The following BAIAP2 variants were observed in gnomAD, a reference collection of about 807,000 sequenced individuals.
The protein encoded by BAIAP2 is BAR/IMD domain-containing adapter protein 2.
BAIAP2 carries 18 observed loss-of-function variants against 63.0 expected under a neutral mutation model. The ratio of observed to expected loss-of-function variants is 0.29; its 90% confidence interval spans 0.20 to 0.42. The LOEUF (loss-of-function observed/expected upper bound fraction) is 0.42. Ranked by LOEUF, BAIAP2 falls within the 10% of genes least tolerant of loss-of-function variation. The probability of loss-of-function intolerance (pLI) is 1.00; values close to 1 mark genes in which losing one functional copy is unlikely to be tolerated. For synonymous variants in BAIAP2, 386 were observed against 307.6 expected (o/e 1.25, Z -2.67); for missense variants, 610 against 734.3 (o/e 0.83, Z 1.96).
rs548077995 is a variant in BAIAP2, at chr17:81,110,187, A to C, written c.1535+1678A>C. The C allele has an allele frequency of 2.0e-5, 20 of 985,630 alleles. No homozygotes were observed. In the South Asian group the frequency reaches 8.0e-4, roughly 39 times the overall value. 61.1% of individuals were successfully genotyped at this position (985,630 alleles called of 1,614,324 possible). A position where few individuals can be genotyped will look rare whatever the true frequency, so the allele number is the denominator to read the frequency against. ...ATGTGGTTTAGTAAAAGCCTCCCAC[A>C]CACCTCCCCGTGGCCTGGGACGTGG... is the stretch of plus-strand genomic sequence containing the variant. On this transcript the variant is annotated intron_variant, in intron 13 of 13. Coordinates refer to ENST00000428708, the MANE Select transcript of BAIAP2 (RefSeq NM_001144888.2).
intron 13 of BAIAP2, among the ~76,000 whole-genome samples, chr17:81,111,608 G>A (rs1002182724): frequency 3.9e-5 from 6 of 152,244 alleles, no homozygotes; most frequent in East Asian, 1.9e-4. Flanking sequence ...CGCTCACTCC[G>A]GGGACCACAG....
chr17:81,072,698 G>A (rs546842850), intron 3 of BAIAP2, among the ~76,000 whole-genome samples: 21 of 152,276 alleles, frequency 1.4e-4, no homozygotes, highest in African/African-American at 2.6e-4. Context: ...GAGCACAGGC[G>A]GGCGGACGCT....
At chr17:81,038,948 C>T (rs1028620721) in intron 1 of BAIAP2, among the ~76,000 whole-genome samples, 4 of 152,206 alleles carry the variant, frequency 2.6e-5, no homozygotes, top group Non-Finnish European at 5.9e-5. Context: ...AATCACAGTG[C>T]TGGACCCAGC....
rs995453360 is a variant in BAIAP2, at chr17:81,106,938, C to T, written c.1500+31C>T. 8 of 1,476,976 alleles carry T rather than the reference C, an allele frequency of 5.4e-6. No individual in the cohort carries two copies. The Admixed American group carries it at 7.4e-5, about 14-fold the overall frequency. The allele number at this position is 1,476,976 out of a possible 1,614,324, so 91.5% of individuals were successfully genotyped here. A position where few individuals can be genotyped will look rare whatever the true frequency, so the allele number is the denominator to read the frequency against. ...TGGGCGGGGCCGGGGCTGGGAGGGG[C>T]CCGCAGGTGGAACAGTGGGCTCAGC... On this transcript the variant is annotated intron_variant, in intron 12 of 13. Coordinates refer to ENST00000428708, the MANE Select transcript of BAIAP2 (RefSeq NM_001144888.2).
intron 3 of BAIAP2, among the ~76,000 whole-genome samples, chr17:81,075,756 C>A (rs1416013621): frequency 2.6e-5 from 4 of 152,180 alleles, no homozygotes; most frequent in Non-Finnish European, 5.9e-5. Context: ...ACTATGGCAG[C>A]CTTTGGTGGG....
intron 3 of BAIAP2, among the ~76,000 whole-genome samples, chr17:81,060,796 G>A (rs532680559): frequency 6.6e-6 from 1 of 152,230 alleles, no homozygotes; most frequent in Admixed American, 6.5e-5. Flanking sequence ...TGTCTAAGAG[G>A]GCAGGTTTAT....
At chr17:81,113,284 T>C (rs938440082) in intron 13 of BAIAP2, among the ~76,000 whole-genome samples, 19 of 152,274 alleles carry the variant, frequency 1.2e-4, no homozygotes, top group Non-Finnish European at 2.4e-4. Context: ...GGAGAGGTGC[T>C]GGTGGTGTCA....
chr17:81,098,472 C>T (rs1459261441), intron 6 of BAIAP2, among the ~76,000 whole-genome samples: 1 of 152,052 alleles, frequency 6.6e-6, no homozygotes, highest in Admixed American at 6.6e-5. Context: ...CAGTTGACCA[C>T]GGTAACCATC....
intron 1 of BAIAP2, among the ~76,000 whole-genome samples, chr17:81,037,573 C>T (rs1284676777): frequency 6.6e-6 from 1 of 152,246 alleles, no homozygotes; most frequent in African/African-American, 2.4e-5. Flanking sequence ...CCGGTGTGCA[C>T]TCCTGGGCCG....
chr17:81,110,878 A>G (rs920779210), intron 13 of BAIAP2: 3 of 1,613,252 alleles, frequency 1.9e-6, no homozygotes, highest in Admixed American at 1.7e-5. Context: ...CTCAGACCCC[A>G]TGCTGCCTCC....
intron 3 of BAIAP2, among the ~76,000 whole-genome samples, chr17:81,082,086 C>T (rs1254756048): frequency 6.6e-6 from 1 of 152,060 alleles, no homozygotes; most frequent in Non-Finnish European, 1.5e-5. Context: ...CAGCGTGGTC[C>T]TGGAGACTGA....
rs6565533 is a variant in BAIAP2 at position 81,067,760 on chromosome 17, C to T, written c.217+9793C>T. On this transcript the variant is annotated intron_variant, in intron 3 of 13. Coordinates refer to ENST00000428708, the MANE Select transcript of BAIAP2 (RefSeq NM_001144888.2). ...CGGGGAGGCACCCTCCCTGAGCGCT[C>T]ACGCCACAGCGTCAGGCCTCAGCCG... 7.5e-3 allele frequency among the ~76,000 whole-genome samples: 1,138 copies of T among 152,344 alleles called. 19 individuals are homozygous for T. The highest frequency in any genetic ancestry group is 0.026 in the African/African-American group (1,099 of 41,584).
At position 81,042,550 on chromosome 17, in the gene BAIAP2, G is replaced by A. The variant is rs569723847; in HGVS notation, c.54+7242G>A. 4.6e-5 allele frequency among the ~76,000 whole-genome samples: 7 copies of A among 152,264 alleles called. No homozygotes were observed. In the South Asian group the frequency reaches 8.3e-4, roughly 18 times the overall value. On this transcript the variant is annotated intron_variant, in intron 1 of 13. Coordinates refer to ENST00000428708, the MANE Select transcript of BAIAP2 (RefSeq NM_001144888.2). ...GTTTTGTACACTGAGCTGTCCAGGC[G>A]TGCCCCTGCCTGGTTGTGGCAGGGG...
intron 6 of BAIAP2, 103 bp downstream of exon 6, chr17:81,086,683 C>G: frequency 7.4e-7 from 1 of 1,346,948 alleles, no homozygotes; most frequent in South Asian, 1.3e-5. Flanking sequence ...CCCCCAGGTG[C>G]GATCAGACAG....
At chr17:81,103,773 CTTG>C (rs143001141) in intron 8 of BAIAP2, 50 bp downstream of exon 8, 19,151 of 1,571,542 alleles carry the variant, frequency 0.012, 165 homozygotes, top group Non-Finnish European at 0.015. Flanking sequence ...GGGAGGGCAG[CTTG>C]TTGTCAGGGC....
intron 13 of BAIAP2, among the ~76,000 whole-genome samples, chr17:81,111,193 C>A (rs4969248): frequency 6.6e-6 from 1 of 152,104 alleles, no homozygotes; most frequent in African/African-American, 2.4e-5. Context: ...TGGCTGTGCC[C>A]GGGGCTCCTC....
chr17:81,046,117 C>T lies in BAIAP2; in HGVS notation c.55-7551C>T, dbSNP rs1409919812. On this transcript the variant is annotated intron_variant, in intron 1 of 13. Coordinates refer to ENST00000428708, the MANE Select transcript of BAIAP2 (RefSeq NM_001144888.2). The surrounding 1 kb of genome is among the most constrained non-coding windows in gnomAD (Gnocchi z 4.5). ...GCAGAGCTGCCGGCTCCTGCACGCC[C>T]AGCTGCAGGGGGTAAGGAGGAGGAT... Among the ~76,000 whole-genome samples, 2 of 152,140 alleles carry T rather than the reference C, an allele frequency of 1.3e-5. No homozygotes were observed. Among genetic ancestry groups the T allele is most frequent in the Non-Finnish European group, 2.9e-5 (2 of 67,992 alleles).
At position 81,115,812 on chromosome 17, in the gene BAIAP2, C is replaced by A. The variant is rs766705468; in HGVS notation, c.1578C>A (p.Asn526Lys). The A allele has an allele frequency of 6.2e-7, 1 of 1,613,436 alleles. No homozygotes were observed. Among genetic ancestry groups the A allele is most frequent in the Non-Finnish European group, 8.5e-7 (1 of 1,180,024 alleles). The change falls in exon 14 of 14, where the codon AAC becomes AAA. Residue 526 changes from asparagine (N) to lysine (K), a missense_variant. By Grantham distance (94) the Asn-to-Lys change is moderately conservative. Transcript: ENST00000428708. ...TCCAGCTGAAGCCGACAGTGACCAA[C>A]GACAGGTCTGCCCCCCTCCTCAGCT... ...AHVQLKPTVTNDRSAPLLS is the reference protein window; with the variant it reads ...AHVQLKPTVTKDRSAPLLS
intron 10 of BAIAP2, chr17:81,104,995 C>CAGGTATCTCCCCCAAT (rs1568181474): frequency 2.7e-6 from 1 of 365,960 alleles, no homozygotes; most frequent in Non-Finnish European, 5.1e-6. Context: ...CTCCCCCCAA[C>CAGGTATCTCCCCCAAT]GGCAGGGATC....
Sources: gnomAD v4.1 joint callset for allele counts (sites outside exome capture counted in the v4.1 genomes callset) on GRCh38, gnomAD v4.1.1 for gene constraint, Gnocchi (gnomAD v3.1) non-coding constraint, MANE v1.5 for transcripts, NCBI Gene and HGNC (gene_info 2026-07-23, HGNC 2026-07-21) for gene names.